The following DAP variants were observed in gnomAD, a reference collection of about 807,000 sequenced individuals.
DAP encodes death associated protein.
DAP carries 8 observed loss-of-function variants against 13.8 expected under a neutral mutation model. The ratio of observed to expected loss-of-function variants is 0.58; its 90% confidence interval spans 0.34 to 1.05. The LOEUF (loss-of-function observed/expected upper bound fraction) is 1.05, where lower values mean the gene tolerates loss of function less well. Ranked by LOEUF, DAP falls within the 50% of genes least tolerant of loss-of-function variation. The probability of loss-of-function intolerance (pLI) is 0.03; values close to 1 mark genes in which losing one functional copy is unlikely to be tolerated. For missense variants in DAP, 106 were observed against 133.2 expected, an observed-to-expected ratio of 0.80 and a Z score of 1.01; for synonymous variants, 47 against 47.5, an observed-to-expected ratio of 0.99 and a Z score of 0.04.
chr5:10,710,662 G>A (rs904964794), intron 2 of DAP, among the ~76,000 whole-genome samples: 1 of 152,232 alleles, frequency 6.6e-6, no homozygotes, highest in Admixed American at 6.5e-5. Flanking sequence ...GGTGGCTGGA[G>A]AAGGTGCCCT....
rs1356937138 is a variant in DAP at position 10,717,849 on chromosome 5, T to C, written c.152+30326A>G. On this transcript the variant is annotated intron_variant, in intron 2 of 3. Transcript: ENST00000230895. ...AATCACAGTGTTCCTAGAAGTGAAA[T>C]TGATAGGAAGCTTACTGCATTCCTA... Among the ~76,000 whole-genome samples the C allele has an allele frequency of 3.3e-5, 5 of 152,276 alleles. No individual in the cohort carries two copies. The South Asian group carries it at 1.0e-3, about 32-fold the overall frequency.
At chr5:10,690,967 C>T (rs1042762100) in intron 2 of DAP, among the ~76,000 whole-genome samples, 2 of 150,036 alleles carry the variant, frequency 1.3e-5, no homozygotes, top group Non-Finnish European at 3.0e-5. Flanking sequence ...TTGTTTTATT[C>T]TGTTTTTTTG....
rs747042846 is a variant in DAP at position 10,683,618 on chromosome 5, A to G, written c.153-47T>C. ...GGCAGATTTAACAAAACAGTCCACA[A>G]CAGGGAACACGGTGGCAGACGATGT... On this transcript the variant is annotated intron_variant, in intron 2 of 3. Transcript: ENST00000230895. 5.7e-6 allele frequency: 9 copies of G among 1,583,498 alleles called. No individual in the cohort carries two copies. In the African/African-American group the frequency reaches 9.4e-5, roughly 17 times the overall value.
chr5:10,735,983 A>C (rs1412600320), intron 2 of DAP, among the ~76,000 whole-genome samples: 5 of 152,200 alleles, frequency 3.3e-5, no homozygotes, highest in Admixed American at 2.6e-4. Context: ...AGTTAAGAAG[A>C]GGTCATACTG....
chr5:10,729,120 C>T (rs1221197631), intron 2 of DAP, among the ~76,000 whole-genome samples: 1 of 152,154 alleles, frequency 6.6e-6, no homozygotes, highest in Non-Finnish European at 1.5e-5. Flanking sequence ...AACCCTTTTC[C>T]CACAAAGAGT....
chr5:10,719,020 C>T (rs267979), intron 2 of DAP, among the ~76,000 whole-genome samples: 141,656 of 152,300 alleles, frequency 0.93, 66,182 homozygotes, highest in Non-Finnish European at 0.97. Context: ...AACATTTGCA[C>T]GCCAGAGAAT....
chr5:10,759,768 T>G (rs941219976), intron 1 of DAP, among the ~76,000 whole-genome samples: 7 of 120,284 alleles, frequency 5.8e-5, no homozygotes, highest in Non-Finnish European at 8.4e-5. Flanking sequence ...TTTTTTTTTT[T>G]GAGATGGAGT....
chr5:10,720,485 AGAG>A lies in DAP; in HGVS notation c.152+27687_152+27689del, dbSNP rs369169544. Among the ~76,000 whole-genome samples, 76 of 152,354 alleles carry A rather than the reference AGAG, an allele frequency of 5.0e-4. No homozygotes were observed. The South Asian group carries it at 0.016, about 31-fold the overall frequency. On this transcript the variant is annotated intron_variant, in intron 2 of 3. Transcript: ENST00000230895. ...GTGCTCACCAATGGGTGACCTCAGCAGAGGAGGATTTTAATAATCAAGTGGATG... is the reference window on the plus strand; with the variant it reads ...GTGCTCACCAATGGGTGACCTCAGCAGAGGATTTTAATAATCAAGTGGATG...
Position 10,681,114 on chromosome 5 carries a change from G to A in DAP, c.251C>T (p.Ala84Val). ...AAQVAHQKPH[A>V]SMDKHPSPRT... is the part of the protein sequence containing the mutation. ...TGGGGAAGGATGCTTGTCCATGGAGGCATGCGGCTTCTGGTGAGCCACCTG... is the reference window on the plus strand; with the variant it reads ...TGGGGAAGGATGCTTGTCCATGGAGACATGCGGCTTCTGGTGAGCCACCTG... The change falls in exon 4 of 4, where the codon GCC becomes GTC. Residue 84 changes from alanine (A) to valine (V), a missense_variant. Physicochemically the swap from Ala to Val is moderately conservative, Grantham distance 64 (BLOSUM62 0). Transcript: ENST00000230895. 1 of 1,567,438 alleles carries A rather than the reference G, an allele frequency of 6.4e-7. No individual in the cohort carries two copies. The highest frequency in any genetic ancestry group is 2.3e-5 in the East Asian group (1 of 44,244).
chr5:10,704,118 T>C (rs1168380876), intron 2 of DAP, among the ~76,000 whole-genome samples: 1 of 152,230 alleles, frequency 6.6e-6, no homozygotes, highest in South Asian at 2.1e-4. Context: ...CTGATCTCTT[T>C]TACCTGGAGC....
At chr5:10,739,811 A>ACACACG (rs1039365224) in intron 2 of DAP, among the ~76,000 whole-genome samples, 4 of 152,100 alleles carry the variant, frequency 2.6e-5, no homozygotes, top group African/African-American at 9.6e-5. Flanking sequence ...ACACACACAC[A>ACACACG]CACACACACG....
Position 10,748,314 on chromosome 5 carries a change from G to T in DAP, c.56-43C>A. ...AGTGTGGGATTAATGTGGAAATGGGGCTGCCTGTGGATCAGGGGGACCAGC... is the reference window on the plus strand; with the variant it reads ...AGTGTGGGATTAATGTGGAAATGGGTCTGCCTGTGGATCAGGGGGACCAGC... On this transcript the variant is annotated intron_variant, in intron 1 of 3. Transcript: ENST00000230895. 3.2e-6 allele frequency: 5 copies of T among 1,539,420 alleles called. No individual in the cohort carries two copies. In the Admixed American group the frequency reaches 6.7e-5, roughly 21 times the overall value.
At chr5:10,705,488 G>T (rs1738676906) in intron 2 of DAP, among the ~76,000 whole-genome samples, 1 of 152,236 alleles carries the variant, frequency 6.6e-6, no homozygotes, top group Admixed American at 6.5e-5. Context: ...CTCCACTGCT[G>T]TGTGAGAACA....
At position 10,694,408 on chromosome 5, in the gene DAP, A is replaced by G. The variant is rs184125116; in HGVS notation, c.153-10837T>C. On this transcript the variant is annotated intron_variant, in intron 2 of 3. Transcript: ENST00000230895. ...TGCATACACACACACACACACACAC[A>G]CGCACATACACACAGCAGAAAGCAA... 4.6e-3 allele frequency among the ~76,000 whole-genome samples: 701 copies of G among 151,972 alleles called. 6 individuals carry two copies. The highest frequency in any genetic ancestry group is 0.014 in the Middle Eastern group (4 of 294).
At chr5:10,711,284 G>T (rs1042415351) in intron 2 of DAP, among the ~76,000 whole-genome samples, 1 of 152,224 alleles carries the variant, frequency 6.6e-6, no homozygotes, top group Non-Finnish European at 1.5e-5. Flanking sequence ...ACCCGGGGTG[G>T]CCTGGGGCTT....
At chr5:10,713,980 A>G (rs1738917812) in intron 2 of DAP, among the ~76,000 whole-genome samples, 1 of 152,252 alleles carries the variant, frequency 6.6e-6, no homozygotes, top group Non-Finnish European at 1.5e-5. Context: ...GGAATCACTT[A>G]AACTAGGCCG....
chr5:10,710,988 T>C lies in DAP; in HGVS notation c.153-27417A>G, dbSNP rs5745237. Among the ~76,000 whole-genome samples the C allele has an allele frequency of 2.9e-3, 447 of 152,252 alleles. 4 individuals are homozygous for C. The highest frequency in any genetic ancestry group is 0.01 in the African/African-American group (421 of 41,538). On this transcript the variant is annotated intron_variant, in intron 2 of 3. Transcript: ENST00000230895. Reference sequence around the variant, plus strand: ...TGAATTTACCCTGGAGTGTGTTGTGTGAGGACAGAAGAGACAAAGAGAAAA... The same window carrying C: ...TGAATTTACCCTGGAGTGTGTTGTGCGAGGACAGAAGAGACAAAGAGAAAA...
chr5:10,681,170 C>A lies in DAP; in HGVS notation c.196-1G>T, dbSNP rs776254133. 32 of 1,496,034 alleles carry A rather than the reference C, an allele frequency of 2.1e-5. No individual in the cohort carries two copies. The highest frequency in any genetic ancestry group is 4.9e-5 in the Admixed American group (2 of 40,676). 92.7% of individuals were successfully genotyped at this position (1,496,034 alleles called of 1,614,324 possible). On this transcript the variant is annotated splice_acceptor_variant, in intron 3 of 3. Coordinates refer to ENST00000230895, the MANE Select transcript of DAP (RefSeq NM_004394.3). LOFTEE classifies it high-confidence loss of function. ...CCGCCGGGGGGAAATCTTTGTCACC[C>A]TGTCAGGAAACACGGAAAGCTCAGG...
rs1457940399 is a variant in DAP, at chr5:10,741,012, CAT to C, written c.152+7161_152+7162del. Reference sequence around the variant, plus strand: ...ACTGGCATGTAGAGCTGACTGTTCACATGTCTTCACAAGTCTATGTTTAGTGA... The same window carrying C: ...ACTGGCATGTAGAGCTGACTGTTCACGTCTTCACAAGTCTATGTTTAGTGA... On this transcript the variant is annotated intron_variant, in intron 2 of 3. Coordinates refer to ENST00000230895, the MANE Select transcript of DAP (RefSeq NM_004394.3). Among the ~76,000 whole-genome samples, 9 of 152,330 alleles carry C rather than the reference CAT, an allele frequency of 5.9e-5. No homozygotes were observed. The East Asian group carries it at 9.6e-4, about 16-fold the overall frequency.
Sources: allele counts gnomAD v4.1 joint callset (sites outside exome capture counted in the v4.1 genomes callset), GRCh38; gene constraint gnomAD v4.1.1; transcripts MANE v1.5; gene names NCBI Gene and HGNC (gene_info 2026-07-23, HGNC 2026-07-21).